Variants in SF3A3 observed in about 807,000 individuals in gnomAD.
SF3A3 encodes splicing factor 3a subunit 3.
In SF3A3, 9 loss-of-function variants were observed where a neutral mutation model predicts 85.8. That is an observed-to-expected ratio of 0.10 (90% CI 0.06 to 0.18). SF3A3 has a LOEUF of 0.18. SF3A3 is among the 10% of genes least tolerant of loss of function. The pLI is 1.00. For missense variants in SF3A3, 306 were observed against 593.3 expected (o/e 0.52, Z 5.03); for synonymous variants, 195 against 204.4 (o/e 0.95, Z 0.39).
rs529270886 is a variant in SF3A3, at chr1:37,960,714, G to A, written c.1373-539C>T. The A allele has an allele frequency of 2.6e-5, 4 of 152,610 alleles. No individual in the cohort carries two copies. The East Asian group carries it at 7.7e-4, about 29-fold the overall frequency. The allele number at this position is 152,610 out of a possible 1,614,324, so 9.5% of individuals were successfully genotyped here. A position where few individuals can be genotyped will look rare whatever the true frequency, so the allele number is the denominator to read the frequency against. On this transcript the variant is annotated intron_variant, in intron 15 of 16. Transcript: ENST00000373019. ...CGCCCAGGCTGGAGTGCAGTGGGGT[G>A]ATCTCAGCTCACTGCAAGCTCCGCC...
At chr1:37,964,901 A>G (rs974310065) in intron 15 of SF3A3, among the ~76,000 whole-genome samples, 21 of 152,062 alleles carry the variant, frequency 1.4e-4, no homozygotes, top group Non-Finnish European at 2.8e-4. Flanking sequence ...GCTCATGCCT[A>G]TAATCCTAGC....
At chr1:37,959,065 T>C (rs1371655165) in intron 16 of SF3A3, among the ~76,000 whole-genome samples, 1 of 152,012 alleles carries the variant, frequency 6.6e-6, no homozygotes, top group Non-Finnish European at 1.5e-5. Flanking sequence ...CCACTTGCCA[T>C]TTCAACTTTT....
intron 11 of SF3A3, among the ~76,000 whole-genome samples, chr1:37,977,895 T>A (rs1451492769): frequency 1.3e-5 from 2 of 151,906 alleles, no homozygotes; most frequent in Non-Finnish European, 2.9e-5. Flanking sequence ...TGCACATCTG[T>A]AATCCCAGCT....
chr1:37,957,915 C>T lies in SF3A3; in HGVS notation c.*271G>A, dbSNP rs1443559137. On this transcript the variant is annotated 3_prime_UTR_variant, in exon 17 of 17. Coordinates refer to ENST00000373019, the MANE Select transcript of SF3A3 (RefSeq NM_006802.4). Reference sequence around the variant, plus strand: ...AGTTGGTGAGGAAGAGGTATGGAGGCGTTAAGACCTGAAGCACTGAGTTGG... The same window carrying T: ...AGTTGGTGAGGAAGAGGTATGGAGGTGTTAAGACCTGAAGCACTGAGTTGG... 5.0e-6 allele frequency: 2 copies of T among 401,710 alleles called. No individual in the cohort carries two copies. The highest frequency in any genetic ancestry group is 9.0e-6 in the Non-Finnish European group (2 of 223,406). 24.9% of individuals were successfully genotyped at this position (401,710 alleles called of 1,614,324 possible).
At chr1:37,979,861 C>T (rs1646405051) in intron 8 of SF3A3, among the ~76,000 whole-genome samples, 4 of 130,490 alleles carry the variant, frequency 3.1e-5, no homozygotes, top group African/African-American at 1.0e-4. Context: ...CTTTGTCTCC[C>T]AAAAAACAAA....
At chr1:37,959,957 CAAAAA>C (rs34993722) in intron 16 of SF3A3, among the ~76,000 whole-genome samples, 158 bp downstream of exon 16, 8 of 97,338 alleles carry the variant, frequency 8.2e-5, no homozygotes, top group Non-Finnish European at 1.0e-4. Context: ...GACTCCGTGT[CAAAAA>C]AAAAAAAAAA....
chr1:37,963,091 A>T (rs1646273460), intron 15 of SF3A3, among the ~76,000 whole-genome samples: 1 of 152,142 alleles, frequency 6.6e-6, no homozygotes, highest in Admixed American at 6.5e-5. Context: ...CCGTCTCAAA[A>T]AAAAAAAAAA....
intron 1 of SF3A3, 130 bp from the exon 2 acceptor site, chr1:37,989,725 C>A: frequency 8.0e-7 from 1 of 1,250,876 alleles, no homozygotes; most frequent in East Asian, 2.4e-5. Context: ...CTCCGGACCC[C>A]GGGAGGAGGT....
intron 15 of SF3A3, among the ~76,000 whole-genome samples, chr1:37,962,251 C>T (rs1176125896): frequency 1.8e-5 from 2 of 109,530 alleles, no homozygotes; most frequent in Non-Finnish European, 3.4e-5. Context: ...AGAATCTAAC[C>T]AAGAATTCAG....
At chr1:37,983,369 A>T (rs968957675) in intron 6 of SF3A3, among the ~76,000 whole-genome samples, 9 of 151,004 alleles carry the variant, frequency 6.0e-5, no homozygotes, top group African/African-American at 7.3e-5. Flanking sequence ...GGATTGCTTG[A>T]GCTCAGGAGT....
intron 14 of SF3A3, 90 bp downstream of exon 14, chr1:37,969,264 A>C: frequency 1.1e-6 from 1 of 891,476 alleles, no homozygotes; most frequent in Non-Finnish European, 1.9e-6. Context: ...TCTGGACACC[A>C]GTGGTCCACA....
intron 12 of SF3A3, among the ~76,000 whole-genome samples, chr1:37,974,553 T>C (rs942319878): frequency 1.3e-5 from 2 of 152,162 alleles, no homozygotes; most frequent in African/African-American, 2.4e-5. Context: ...CTGCCCGCCT[T>C]GGCCTCACAA....
intron 1 of SF3A3, 120 bp downstream of exon 1, chr1:37,989,750 C>T: frequency 1.6e-6 from 2 of 1,214,986 alleles, no homozygotes; most frequent in South Asian, 1.3e-5. Flanking sequence ...AAGACCGGAG[C>T]TCGGAGAGGG....
intron 9 of SF3A3, 32 bp from the exon 10 acceptor site, chr1:37,979,087 C>T: frequency 1.9e-6 from 3 of 1,583,014 alleles, no homozygotes; most frequent in East Asian, 4.5e-5. Context: ...TACAATATTA[C>T]ATTAACAGAT....
rs1333315355 is a variant in SF3A3, at chr1:37,967,410, C to T, written c.1372+634G>A. 3.3e-5 allele frequency among the ~76,000 whole-genome samples: 5 copies of T among 149,862 alleles called. No individual in the cohort carries two copies. The South Asian group carries it at 6.4e-4, about 19-fold the overall frequency. On this transcript the variant is annotated intron_variant, in intron 15 of 16. Coordinates refer to ENST00000373019, the MANE Select transcript of SF3A3 (RefSeq NM_006802.4). ...AATACAAAAAATTAGCCAGGTGTGG[C>T]GGCTCATGCCTGTAATCCCAGCACT... is the stretch of plus-strand genomic sequence containing the variant.
chr1:37,961,759 C>CAAA (rs10699691), intron 15 of SF3A3, among the ~76,000 whole-genome samples: 2,202 of 37,754 alleles, frequency 0.058, 270 homozygotes, highest in Admixed American at 0.081. Flanking sequence ...GCAAGACTGC[C>CAAA]AAAAAAAAAA....
chr1:37,972,339 G>A (rs1646350078), intron 12 of SF3A3, among the ~76,000 whole-genome samples: 1 of 152,102 alleles, frequency 6.6e-6, no homozygotes, highest in Non-Finnish European at 1.5e-5. Context: ...ACAAACCACT[G>A]CTCAACGAAA....
At position 37,979,483 on chromosome 1, in the gene SF3A3, A is replaced by G. The variant is rs1646402236; in HGVS notation, c.741T>C (p.Ser247=). 1 of 1,612,412 alleles carries G rather than the reference A, an allele frequency of 6.2e-7. No individual in the cohort carries two copies. Among genetic ancestry groups the G allele is most frequent in the African/African-American group, 1.3e-5 (1 of 74,900 alleles). ...LTHAGAHLDL[S]AFSSWEELAS... ...AACATACCTCCCAGGAGGAGAATGC[A>G]GAGAGGTCAAGATGGGCTCCAGCAT... is the stretch of plus-strand genomic sequence containing the variant. The change falls in exon 9 of 17, where the codon TCT becomes TCC. Residue 247 remains serine (S), a synonymous_variant. Transcript: ENST00000373019.
At chr1:37,981,501 A>C (rs892833487) in intron 7 of SF3A3, among the ~76,000 whole-genome samples, 3 of 152,224 alleles carry the variant, frequency 2.0e-5, no homozygotes, top group African/African-American at 7.2e-5. Flanking sequence ...AAAATTAAGA[A>C]CACTATGGGC....
Sources: gnomAD v4.1 joint callset for allele counts (sites outside exome capture counted in the v4.1 genomes callset) on GRCh38, gnomAD v4.1.1 for gene constraint, MANE v1.5 for transcripts, NCBI Gene and HGNC (gene_info 2026-07-23, HGNC 2026-07-21) for gene names.